The following CEP43 variants were observed in gnomAD, a reference collection of about 807,000 sequenced individuals.
CEP43 encodes centrosomal protein 43.
In CEP43, 36 loss-of-function variants were observed where a neutral mutation model predicts 52.6. The observed-to-expected ratio is 0.68, with a 90% confidence interval of 0.52 to 0.90. The LOEUF is 0.90. Ranked by LOEUF, CEP43 falls within the 40% of genes least tolerant of loss-of-function variation. CEP43 has a pLI of 0.00. For missense variants in CEP43, 506 were observed against 472.8 expected (o/e 1.07, Z -0.65); for synonymous variants, 192 against 172.4 (o/e 1.11, Z -0.89).
At chr6:167,038,186 G>A (rs547631895) in intron 12 of CEP43, among the ~76,000 whole-genome samples, 2 of 152,148 alleles carry the variant, frequency 1.3e-5, no homozygotes, top group African/African-American at 4.8e-5. Flanking sequence ...TGGTTAATAG[G>A]TTAACTTTCT....
chr6:167,024,897 A>C lies in CEP43; in HGVS notation c.919+3A>C. ...CCCTTCTTTAAAAGACTCTGAGAGT[A>C]AGTGCCCAAAGATGTGGACTTCAAT... On this transcript the variant is annotated splice_donor_region_variant and intron_variant, in intron 9 of 12. Transcript: ENST00000366847. The C allele has an allele frequency of 6.6e-7, 1 of 1,507,786 alleles. No individual in the cohort carries two copies. Among genetic ancestry groups the C allele is most frequent in the Non-Finnish European group, 9.2e-7 (1 of 1,087,346 alleles). 93.4% of individuals were successfully genotyped at this position (1,507,786 alleles called of 1,614,324 possible). A position where few individuals can be genotyped will look rare whatever the true frequency, so the allele number is the denominator to read the frequency against.
chr6:167,041,951 G>C lies in CEP43; in HGVS notation c.*1973G>C, dbSNP rs1780707946. ...CGATTCTCCTGCTTCAGCCTCCTGA[G>C]TAGCTGGGATTACAGGTGCACACCA... On this transcript the variant is annotated 3_prime_UTR_variant, in exon 13 of 13. Transcript: ENST00000366847. 2.2e-6 allele frequency: 1 copy of C among 446,548 alleles called. No individual in the cohort carries two copies. The highest frequency in any genetic ancestry group is 3.0e-6 in the Non-Finnish European group (1 of 332,830). 27.7% of individuals were successfully genotyped at this position (446,548 alleles called of 1,614,324 possible).
At chr6:167,029,236 G>A (rs1256689894) in intron 10 of CEP43, among the ~76,000 whole-genome samples, 2 of 152,256 alleles carry the variant, frequency 1.3e-5, no homozygotes, top group South Asian at 2.1e-4. Context: ...GGGCAGATAA[G>A]ACAGAGGGTA....
chr6:167,010,696 GAAAT>G (rs1360883898), intron 5 of CEP43, 113 bp from the exon 6 acceptor site: 1 of 501,112 alleles, frequency 2.0e-6, no homozygotes, highest in Non-Finnish European at 3.4e-6. Flanking sequence ...ACTTTAATAA[GAAAT>G]AAAATACCAA....
Position 167,044,180 on chromosome 6 carries a change from A to G in CEP43, c.*4202A>G, listed in dbSNP as rs1464372979. The stretch of plus-strand genomic sequence containing the variant: ...CCATTCTTTATAAATTATCCAGTCC[A>G]AGGTACTTTAGGAACCTGAATGGAT... On this transcript the variant is annotated 3_prime_UTR_variant, in exon 13 of 13. Coordinates refer to ENST00000366847, the MANE Select transcript of CEP43 (RefSeq NM_007045.4). 2 of 153,490 alleles carry G rather than the reference A, an allele frequency of 1.3e-5. No individual in the cohort carries two copies. Among genetic ancestry groups the G allele is most frequent in the Non-Finnish European group, 2.9e-5 (2 of 69,200 alleles). The allele number at this position is 153,490 out of a possible 1,614,324, so 9.5% of individuals were successfully genotyped here.
At chr6:167,016,596 A>G (rs1170176077) in intron 7 of CEP43, among the ~76,000 whole-genome samples, 1 of 152,074 alleles carries the variant, frequency 6.6e-6, no homozygotes, top group Non-Finnish European at 1.5e-5. Context: ...ACATGTATTG[A>G]GATGCTTTTT....
intron 2 of CEP43, among the ~76,000 whole-genome samples, chr6:167,001,159 T>C (rs1303582863): frequency 6.6e-6 from 1 of 152,216 alleles, no homozygotes; most frequent in African/African-American, 2.4e-5. Context: ...CCTCAATCTA[T>C]TGCTCACCTG....
chr6:167,000,311 G>A (rs1779705283), intron 2 of CEP43, among the ~76,000 whole-genome samples, 198 bp downstream of exon 2: 1 of 152,174 alleles, frequency 6.6e-6, no homozygotes, highest in African/African-American at 2.4e-5. Flanking sequence ...TAATCTTAAG[G>A]TACCACAGTA....
intron 7 of CEP43, 81 bp from the exon 8 acceptor site, chr6:167,022,328 C>A: frequency 1.0e-6 from 1 of 968,656 alleles, no homozygotes; most frequent in South Asian, 1.6e-5. Flanking sequence ...TGATTATGCT[C>A]ATGAGACTTC....
chr6:167,014,328 C>T (rs558489029), intron 7 of CEP43, among the ~76,000 whole-genome samples: 2 of 152,202 alleles, frequency 1.3e-5, no homozygotes, highest in Non-Finnish European at 2.9e-5. Flanking sequence ...TGCCCCTGCT[C>T]ACAGTAGACT....
At chr6:167,035,654 C>T (rs1406932353) in intron 12 of CEP43, among the ~76,000 whole-genome samples, 1 of 152,138 alleles carries the variant, frequency 6.6e-6, no homozygotes, top group Admixed American at 6.5e-5. Context: ...GCAAGCTCCG[C>T]CTCCCGGGTT....
chr6:167,013,460 T>G, intron 6 of CEP43, 48 bp from the exon 7 acceptor site: 1 of 1,487,830 alleles, frequency 6.7e-7, no homozygotes, highest in Non-Finnish European at 9.3e-7. Context: ...GTTTATTTTT[T>G]AAAGATTTCT....
At chr6:166,999,572 G>T in intron 1 of CEP43, 58 bp downstream of exon 1, 1 of 1,250,384 alleles carries the variant, frequency 8.0e-7, no homozygotes. Context: ...GTGGACAGCG[G>T]GCGTCACAAC....
chr6:167,007,130 T>A (rs1330228076), intron 5 of CEP43, among the ~76,000 whole-genome samples: 1 of 152,166 alleles, frequency 6.6e-6, no homozygotes. Context: ...ACTCTCCACC[T>A]TGCACCCCGT....
chr6:167,046,392 G>GAGGA lies in CEP43; in HGVS notation c.*6426_*6429dup, dbSNP rs1024694452. On this transcript the variant is annotated 3_prime_UTR_variant, in exon 13 of 13. Coordinates refer to ENST00000366847, the MANE Select transcript of CEP43 (RefSeq NM_007045.4). ...GAATGGAGGAAGGGAAAAATGGAAG[G>GAGGA]AGGAAGGAAGGAAGGGAAAGAATGA... 1 of 152,256 alleles carries GAGGA rather than the reference G, an allele frequency of 6.6e-6. No homozygotes were observed. Among genetic ancestry groups the GAGGA allele is most frequent in the African/African-American group, 2.4e-5 (1 of 41,438 alleles). 9.4% of individuals were successfully genotyped at this position (152,256 alleles called of 1,614,324 possible).
intron 5 of CEP43, 105 bp from the exon 6 acceptor site, chr6:167,010,708 C>A: frequency 1.4e-5 from 7 of 509,532 alleles, no homozygotes; most frequent in Admixed American, 4.3e-5. Context: ...AATAAAATAC[C>A]AACATTGTAT....
chr6:167,012,404 C>T (rs1045779295), intron 6 of CEP43, among the ~76,000 whole-genome samples: 3 of 151,504 alleles, frequency 2.0e-5, no homozygotes, highest in Admixed American at 2.0e-4. Flanking sequence ...AGGCTATAAC[C>T]CCAGTGATAG....
At chr6:167,034,741 T>A (rs917581705) in intron 12 of CEP43, among the ~76,000 whole-genome samples, 1 of 152,240 alleles carries the variant, frequency 6.6e-6, no homozygotes. Context: ...GCATTCTTAT[T>A]CTTTCATATA....
intron 12 of CEP43, chr6:167,036,003 A>G: frequency 1.1e-6 from 1 of 940,772 alleles, no homozygotes; most frequent in Non-Finnish European, 1.3e-6. Flanking sequence ...GGTATCTAAT[A>G]CTATTATTCA....
Sources: allele counts gnomAD v4.1 joint callset (sites outside exome capture counted in the v4.1 genomes callset), GRCh38; gene constraint gnomAD v4.1.1; transcripts MANE v1.5; gene names NCBI Gene and HGNC (gene_info 2026-07-23, HGNC 2026-07-21).